The following TMOD3 variants were observed in gnomAD, a reference collection of about 807,000 sequenced individuals.
TMOD3 encodes the protein tropomodulin-3.
TMOD3 carries 20 observed loss-of-function variants against 39.2 expected under a neutral mutation model. The ratio of observed to expected loss-of-function variants is 0.51; its 90% CI spans 0.36 to 0.74. The LOEUF is 0.74. TMOD3 is among the 30% of genes least tolerant of loss of function. TMOD3 has a pLI of 0.00. For synonymous variants in TMOD3, 143 were observed against 145.8 expected, an observed-to-expected ratio of 0.98 and a Z score of 0.14; for missense variants, 381 against 412.8, an observed-to-expected ratio of 0.92 and a Z score of 0.67.
chr15:51,887,528 A>C (rs2056571121), intron 3 of TMOD3, 61 bp from the exon 4 acceptor site: 1 of 1,551,902 alleles, frequency 6.4e-7, no homozygotes, highest in African/African-American at 1.4e-5. Flanking sequence ...GGTTACAAGG[A>C]TAAAATGGTA....
chr15:51,888,972 A>G, intron 4 of TMOD3, 84 bp from the exon 5 acceptor site: 1 of 800,850 alleles, frequency 1.2e-6, no homozygotes, highest in Non-Finnish European at 2.0e-6. Context: ...GGTCCAGAGG[A>G]TATTAAAATT....
chr15:51,878,376 A>ATGTGTGTGTGTG (rs10586896), intron 3 of TMOD3, among the ~76,000 whole-genome samples: 3,967 of 147,392 alleles, frequency 0.027, 115 homozygotes, highest in Admixed American at 0.084. Flanking sequence ...TTTAAAATAT[A>ATGTGTGTGTGTG]TGTGTGTGTG....
At chr15:51,893,744 G>A (rs538408575) in intron 5 of TMOD3, 71 bp from the exon 6 acceptor site, 10 of 1,368,664 alleles carry the variant, frequency 7.3e-6, no homozygotes, top group South Asian at 5.8e-5. Context: ...CGGCCTGGGC[G>A]AAAGTGCGAG....
chr15:51,857,345 G>GT (rs2056393207), intron 1 of TMOD3, among the ~76,000 whole-genome samples: 1 of 152,160 alleles, frequency 6.6e-6, no homozygotes, highest in South Asian at 2.1e-4. Context: ...GCTGGGCAGG[G>GT]TGTTCATGGT....
intron 9 of TMOD3, among the ~76,000 whole-genome samples, chr15:51,905,498 A>G (rs1269947979): frequency 1.3e-5 from 2 of 151,868 alleles, no homozygotes; most frequent in African/African-American, 4.8e-5. Flanking sequence ...AAAAAAAAAA[A>G]GTGATATAAA....
chr15:51,861,834 T>G (rs2056420733), intron 1 of TMOD3, among the ~76,000 whole-genome samples: 1 of 151,982 alleles, frequency 6.6e-6, no homozygotes, highest in African/African-American at 2.4e-5. Flanking sequence ...ATGTTTTGTA[T>G]TTTTCACCAT....
intron 1 of TMOD3, among the ~76,000 whole-genome samples, chr15:51,847,619 T>G (rs1475809600): frequency 6.6e-6 from 1 of 152,156 alleles, no homozygotes; most frequent in Non-Finnish European, 1.5e-5. Flanking sequence ...TCCAGTATAT[T>G]TCCTTTAAAA....
intron 3 of TMOD3, 83 bp downstream of exon 3, chr15:51,869,456 T>C (rs778074831): frequency 2.0e-5 from 26 of 1,332,512 alleles, no homozygotes; most frequent in Non-Finnish European, 2.4e-5. Context: ...ATCATATTTT[T>C]AGAGGTACAT....
intron 1 of TMOD3, among the ~76,000 whole-genome samples, chr15:51,854,796 T>C (rs2141678137): frequency 6.6e-6 from 1 of 152,304 alleles, no homozygotes; most frequent in African/African-American, 2.4e-5. Context: ...TTGCTTCTTT[T>C]TAAGTGATCC....
intron 1 of TMOD3, among the ~76,000 whole-genome samples, chr15:51,844,068 A>G (rs1006481467): frequency 6.6e-6 from 1 of 152,088 alleles, no homozygotes; most frequent in African/African-American, 2.4e-5. Flanking sequence ...AACTGCAACA[A>G]ATGATTGAAT....
intron 2 of TMOD3, among the ~76,000 whole-genome samples, chr15:51,866,467 C>CA (rs1343544945): frequency 1.4e-5 from 2 of 147,948 alleles, no homozygotes; most frequent in Non-Finnish European, 3.0e-5. Context: ...CCCCCCTACC[C>CA]AAAAAAAAGA....
At chr15:51,832,232 T>TATATATATATATATATA (rs2056260176) in intron 1 of TMOD3, among the ~76,000 whole-genome samples, 2 of 137,410 alleles carry the variant, frequency 1.5e-5, no homozygotes, top group African/African-American at 5.3e-5. Flanking sequence ...TATATATATA[T>TATATATATATATATATA]GAATGACATG....
chr15:51,880,345 C>T (rs1238864787), intron 3 of TMOD3, among the ~76,000 whole-genome samples: 1 of 151,928 alleles, frequency 6.6e-6, no homozygotes, highest in Non-Finnish European at 1.5e-5. Flanking sequence ...ATATAATTCC[C>T]ATATCATAAA....
At chr15:51,879,856 T>TGACACACACACA (rs3985813) in intron 3 of TMOD3, among the ~76,000 whole-genome samples, 1 of 142,558 alleles carries the variant, frequency 7.0e-6, no homozygotes, top group African/African-American at 2.6e-5. Context: ...TCTCTGTCTT[T>TGACACACACACA]CACACACACA....
chr15:51,830,129 C>T (rs1404746189), intron 1 of TMOD3, among the ~76,000 whole-genome samples: 1 of 152,162 alleles, frequency 6.6e-6, no homozygotes, highest in Non-Finnish European at 1.5e-5. Flanking sequence ...GACCGGCCCC[C>T]TCCCCTCCCG....
At chr15:51,870,267 T>C (rs1197621215) in intron 3 of TMOD3, among the ~76,000 whole-genome samples, 1 of 152,118 alleles carries the variant, frequency 6.6e-6, no homozygotes, top group African/African-American at 2.4e-5. Context: ...GTTCTATATA[T>C]AATAATACTT....
chr15:51,832,453 T>G (rs1352838592), intron 1 of TMOD3, among the ~76,000 whole-genome samples: 8 of 151,924 alleles, frequency 5.3e-5, no homozygotes, highest in Non-Finnish European at 1.0e-4. Flanking sequence ...TCTATACTGT[T>G]TGAATGTATG....
intron 2 of TMOD3, 55 bp downstream of exon 2, chr15:51,863,065 C>G (rs2056427462): frequency 1.3e-6 from 2 of 1,556,516 alleles, no homozygotes; most frequent in East Asian, 4.6e-5. Flanking sequence ...CTTTGAAACT[C>G]AGTAGCTGCC....
At chr15:51,871,122 C>A (rs2056472614) in intron 3 of TMOD3, among the ~76,000 whole-genome samples, 1 of 152,114 alleles carries the variant, frequency 6.6e-6, no homozygotes, top group African/African-American at 2.4e-5. Flanking sequence ...CACAGCCCAG[C>A]CAAATTGACA....
Sources: allele counts gnomAD v4.1 joint callset (sites outside exome capture counted in the v4.1 genomes callset), GRCh38; gene constraint gnomAD v4.1.1; transcripts MANE v1.5; gene names NCBI Gene and HGNC (gene_info 2026-07-23, HGNC 2026-07-21).